The following OR9Q1 variants were observed in gnomAD, a reference collection of about 807,000 sequenced individuals.
OR9Q1 encodes the protein olfactory receptor family 9 subfamily Q member 1.
For missense variants in OR9Q1, 374 were observed against 378.8 expected (o/e 0.99, Z 0.11); for synonymous variants, 153 against 148.6 (o/e 1.03, Z -0.22).
chr11:58,131,141 T>C (rs966366300), intron 2 of OR9Q1, among the ~76,000 whole-genome samples: 1 of 152,136 alleles, frequency 6.6e-6, no homozygotes, highest in Non-Finnish European at 1.5e-5. Context: ...GAAGGACCAC[T>C]GATCTACATA....
chr11:58,141,195 T>C (rs955566556), intron 2 of OR9Q1, among the ~76,000 whole-genome samples: 5 of 152,174 alleles, frequency 3.3e-5, no homozygotes, highest in Admixed American at 2.6e-4. Flanking sequence ...CTTTTCCTAA[T>C]TGAATACCCT....
At chr11:58,088,575 A>AC (rs1853655075) in intron 2 of OR9Q1, among the ~76,000 whole-genome samples, 1 of 151,988 alleles carries the variant, frequency 6.6e-6, no homozygotes, top group Non-Finnish European at 1.5e-5. Context: ...ATGACCAGTG[A>AC]CGATGAGCTT....
chr11:58,159,757 G>T (rs1854440862), intron 2 of OR9Q1, among the ~76,000 whole-genome samples: 1 of 152,172 alleles, frequency 6.6e-6, no homozygotes, highest in African/African-American at 2.4e-5. Context: ...TGGAGGTCAG[G>T]TTCAAAATAT....
intron 2 of OR9Q1, among the ~76,000 whole-genome samples, chr11:58,066,316 G>T (rs992705550): frequency 1.3e-5 from 2 of 152,154 alleles, no homozygotes; most frequent in African/African-American, 4.8e-5. Flanking sequence ...GGTCCAGATA[G>T]TGTCCACCAT....
intron 2 of OR9Q1, among the ~76,000 whole-genome samples, chr11:58,143,384 A>G (rs1233406826): frequency 6.6e-6 from 1 of 152,178 alleles, no homozygotes; most frequent in African/African-American, 2.4e-5. Flanking sequence ...ATACTACACC[A>G]CTAGGATTTC....
intron 2 of OR9Q1, among the ~76,000 whole-genome samples, chr11:58,100,087 C>A (rs373353794): frequency 1.3e-5 from 2 of 152,156 alleles, no homozygotes; most frequent in African/African-American, 2.4e-5. Flanking sequence ...GGCTCTCCCA[C>A]GCCAGGTAGT....
intron 2 of OR9Q1, among the ~76,000 whole-genome samples, chr11:58,102,343 C>T (rs1390411610): frequency 6.6e-6 from 1 of 151,924 alleles, no homozygotes; most frequent in East Asian, 1.9e-4. Context: ...TGATTCCTTT[C>T]TCCTTCTGCT....
chr11:58,033,989 G>A (rs1337269831), intron 1 of OR9Q1, among the ~76,000 whole-genome samples: 1 of 150,742 alleles, frequency 6.6e-6, no homozygotes, highest in Admixed American at 6.6e-5. Flanking sequence ...CTTTAAGGAT[G>A]CAAGTTTATT....
chr11:58,159,591 A>G (rs1854439176), intron 2 of OR9Q1, among the ~76,000 whole-genome samples: 1 of 152,240 alleles, frequency 6.6e-6, no homozygotes, highest in African/African-American at 2.4e-5. Context: ...TTTTATTCAA[A>G]AGGACATTGG....
At chr11:58,150,241 T>C (rs1342239373) in intron 2 of OR9Q1, among the ~76,000 whole-genome samples, 1 of 152,210 alleles carries the variant, frequency 6.6e-6, no homozygotes, top group Admixed American at 6.5e-5. Context: ...CATGTTCTTA[T>C]TGGCCACTTA....
At chr11:58,177,270 G>T (rs1422214262) in intron 2 of OR9Q1, among the ~76,000 whole-genome samples, 1 of 152,228 alleles carries the variant, frequency 6.6e-6, no homozygotes, top group Non-Finnish European at 1.5e-5. Context: ...AGTAGAGGCT[G>T]TTGGAATAAT....
intron 1 of OR9Q1, among the ~76,000 whole-genome samples, chr11:58,036,824 GCAAAGAAAGTAGTTTCTTGAGATGGAC>G (rs1853104911): frequency 6.6e-6 from 1 of 152,194 alleles, no homozygotes; most frequent in Admixed American, 6.5e-5. Flanking sequence ...TTATGGGTGA[GCAAAGAAAGTAGTTTCTTGAGATGGAC>G]TCTACTCCTG....
intron 2 of OR9Q1, among the ~76,000 whole-genome samples, chr11:58,108,518 G>C (rs1364961482): frequency 6.6e-6 from 1 of 152,132 alleles, no homozygotes; most frequent in African/African-American, 2.4e-5. Flanking sequence ...AAGAAAAATG[G>C]AGGTAGAGGA....
At chr11:58,062,717 C>T (rs1853391719) in intron 2 of OR9Q1, among the ~76,000 whole-genome samples, 1 of 152,120 alleles carries the variant, frequency 6.6e-6, no homozygotes, top group African/African-American at 2.4e-5. Flanking sequence ...TTAGTTAAGG[C>T]AATCAAGATC....
At chr11:58,170,737 C>G (rs1457221037) in intron 2 of OR9Q1, among the ~76,000 whole-genome samples, 1 of 152,134 alleles carries the variant, frequency 6.6e-6, no homozygotes, top group East Asian at 1.9e-4. Flanking sequence ...CATTCTCTCT[C>G]TTGTCTGCCA....
At chr11:58,087,619 A>AT (rs1853646041) in intron 2 of OR9Q1, among the ~76,000 whole-genome samples, 1 of 151,916 alleles carries the variant, frequency 6.6e-6, no homozygotes, top group Non-Finnish European at 1.5e-5. Flanking sequence ...ACATAGGTAT[A>AT]TATGTGCCAT....
At chr11:58,133,792 C>T (rs1052460268) in intron 2 of OR9Q1, among the ~76,000 whole-genome samples, 35 of 152,140 alleles carry the variant, frequency 2.3e-4, no homozygotes, top group South Asian at 2.1e-4. Context: ...ACGCCATTGA[C>T]GTTATAGAGA....
chr11:58,098,968 G>A (rs1853758091), intron 2 of OR9Q1, among the ~76,000 whole-genome samples: 1 of 151,898 alleles, frequency 6.6e-6, no homozygotes, highest in Admixed American at 6.6e-5. Context: ...GAGTTATTTA[G>A]GAGTGTGTTG....
At chr11:58,076,002 A>G (rs930565583) in intron 2 of OR9Q1, among the ~76,000 whole-genome samples, 1 of 152,194 alleles carries the variant, frequency 6.6e-6, no homozygotes. Context: ...CTATTGCAAT[A>G]CAGTCACACT....
Sources: allele counts gnomAD v4.1 joint callset (sites outside exome capture counted in the v4.1 genomes callset), GRCh38; gene constraint gnomAD v4.1.1; transcripts MANE v1.5; gene names NCBI Gene and HGNC (gene_info 2026-07-23, HGNC 2026-07-21).